The following DNAH6 variants were observed in gnomAD, a reference collection of about 807,000 sequenced individuals.
DNAH6 encodes the protein axonemal beta dynein heavy chain 6.
DNAH6 carries 340 observed loss-of-function variants against 491.4 expected under a neutral mutation model. That is an observed-to-expected ratio of 0.69 (90% CI 0.63 to 0.76). The LOEUF (loss-of-function observed/expected upper bound fraction) is 0.76. Among genes scored for constraint, DNAH6 ranks in the 30% least tolerant of loss-of-function variants. The pLI is 0.00. For synonymous variants in DNAH6, 1,603 were observed against 1,686.1 expected (o/e 0.95, Z 1.21); for missense variants, 4,443 against 4,972.2 (o/e 0.89, Z 3.20).
At chr2:84,687,764 GGACTC>G in intron 44 of DNAH6, among the ~76,000 whole-genome samples, 1 of 151,582 alleles carries the variant, frequency 6.6e-6, no homozygotes, top group Middle Eastern at 3.5e-3. Flanking sequence ...ATTAAAACAA[GGACTC>G]GACTCCCTAC....
intron 68 of DNAH6, among the ~76,000 whole-genome samples, chr2:84,791,452 T>C (rs770129733): frequency 5.3e-5 from 8 of 151,748 alleles, no homozygotes; most frequent in Non-Finnish European, 1.2e-4. Context: ...TACAATTCTA[T>C]GTATATGAAA....
intron 33 of DNAH6, among the ~76,000 whole-genome samples, chr2:84,650,102 A>T (rs1456392476): frequency 1.3e-5 from 2 of 151,174 alleles, no homozygotes; most frequent in African/African-American, 4.9e-5. Flanking sequence ...TAGAAGTTGG[A>T]CTATGTTGTA....
At chr2:84,754,573 G>C (rs1226302270) in intron 63 of DNAH6, among the ~76,000 whole-genome samples, 1 of 152,202 alleles carries the variant, frequency 6.6e-6, no homozygotes, top group Non-Finnish European at 1.5e-5. Context: ...TGGCAGCCTT[G>C]CTGAAAATCA....
At chr2:84,579,322 G>A (rs115718184) in intron 13 of DNAH6, among the ~76,000 whole-genome samples, 3 of 152,282 alleles carry the variant, frequency 2.0e-5, no homozygotes, top group Non-Finnish European at 4.4e-5. Flanking sequence ...AAAATTTTTG[G>A]TAAGCTGTGG....
chr2:84,807,803 A>G (rs1489883090), intron 71 of DNAH6, among the ~76,000 whole-genome samples: 1 of 152,072 alleles, frequency 6.6e-6, no homozygotes, highest in Non-Finnish European at 1.5e-5. Context: ...AGACCTTTCA[A>G]ACCCCTCATC....
chr2:84,495,134 G>A, the DNAH6 span, among the ~76,000 whole-genome samples: 2 of 152,160 alleles, frequency 1.3e-5, no homozygotes, highest in African/African-American at 4.8e-5. Flanking sequence ...TTCTCTAAGT[G>A]ATCTTAATAT....
intron 61 of DNAH6, 25 bp from the exon 62 acceptor site, chr2:84,733,419 T>C: frequency 6.5e-7 from 1 of 1,543,472 alleles, no homozygotes; most frequent in South Asian, 1.2e-5. Flanking sequence ...TTGTGAATTA[T>C]TATTCATTTT....
At chr2:84,700,049 T>A (rs1013990572) in intron 48 of DNAH6, among the ~76,000 whole-genome samples, 1 of 152,128 alleles carries the variant, frequency 6.6e-6, no homozygotes, top group Non-Finnish European at 1.5e-5. Context: ...GGCAACACTT[T>A]TGAGTTTTGC....
chr2:84,630,359 A>C (rs935245739), intron 29 of DNAH6, among the ~76,000 whole-genome samples: 1 of 152,210 alleles, frequency 6.6e-6, no homozygotes, highest in Admixed American at 6.5e-5. Context: ...TCCTGTTATG[A>C]TATACAAGCT....
At chr2:84,792,817 A>G (rs1455919688) in intron 68 of DNAH6, among the ~76,000 whole-genome samples, 3 of 152,230 alleles carry the variant, frequency 2.0e-5, no homozygotes, top group Non-Finnish European at 4.4e-5. Flanking sequence ...AAGCAAAATG[A>G]GGGATTGAAC....
At chr2:84,814,941 G>A (rs1304763973) in intron 75 of DNAH6, among the ~76,000 whole-genome samples, 1 of 152,190 alleles carries the variant, frequency 6.6e-6, no homozygotes, top group African/African-American at 2.4e-5. Context: ...CACATATACT[G>A]GTCTAAACAC....
chr2:84,514,470 A>C (rs1675455596), upstream of DNAH6, among the ~76,000 whole-genome samples: 1 of 152,198 alleles, frequency 6.6e-6, no homozygotes, highest in African/African-American at 2.4e-5. Flanking sequence ...TATAAATCTT[A>C]ACCTAATGCT....
chr2:84,541,278 G>C (rs1486316367), intron 4 of DNAH6, among the ~76,000 whole-genome samples: 1 of 152,158 alleles, frequency 6.6e-6, no homozygotes, highest in East Asian at 1.9e-4. Context: ...TAATGAACTG[G>C]AAAGTCTAAG....
At chr2:84,691,831 G>A (rs1001773766) in intron 45 of DNAH6, among the ~76,000 whole-genome samples, 1 of 151,962 alleles carries the variant, frequency 6.6e-6, no homozygotes, top group African/African-American at 2.4e-5. Flanking sequence ...TATCTCATGG[G>A]TCATTAAAAA....
intron 4 of DNAH6, among the ~76,000 whole-genome samples, chr2:84,538,550 A>G (rs904961473): frequency 3.9e-5 from 6 of 152,122 alleles, no homozygotes; most frequent in Admixed American, 1.3e-4. Flanking sequence ...CATGTCTCCT[A>G]TACCTCAGTG....
chr2:84,660,708 G>A (rs2104601307), intron 37 of DNAH6, among the ~76,000 whole-genome samples: 1 of 152,122 alleles, frequency 6.6e-6, no homozygotes, highest in Admixed American at 6.5e-5. Context: ...TTCCTGATAT[G>A]GGGCACTGTG....
chr2:84,599,561 C>A (rs558903010), intron 18 of DNAH6, among the ~76,000 whole-genome samples: 3 of 152,130 alleles, frequency 2.0e-5, no homozygotes, highest in Admixed American at 2.0e-4. Flanking sequence ...ATTAAAGGAA[C>A]AGCATTATTT....
At position 84,605,565 on chromosome 2, in the gene DNAH6, T is replaced by C. The variant is rs1486899821; in HGVS notation, c.3147T>C (p.Phe1049=). 3 of 1,551,612 alleles carry C rather than the reference T, an allele frequency of 1.9e-6. No homozygotes were observed. Among genetic ancestry groups the C allele is most frequent in the Non-Finnish European group, 2.6e-6 (3 of 1,146,910 alleles). Residue 1049 remains phenylalanine, a synonymous_variant, in exon 20 of 77, where the codon TTT becomes TTC. Coordinates refer to ENST00000389394, the MANE Select transcript of DNAH6 (RefSeq NM_001370.2). ...CTCACCGTGACTCCAAAGATGTGTTTATACTGGGCGGCACAGATGACATAC... is the reference window on the plus strand; with the variant it reads ...CTCACCGTGACTCCAAAGATGTGTTCATACTGGGCGGCACAGATGACATAC... ...ILPHRDSKDV[F]ILGGTDDIQV...
chr2:84,650,106 T>C (rs376844869), intron 33 of DNAH6, among the ~76,000 whole-genome samples: 91 of 152,302 alleles, frequency 6.0e-4, no homozygotes, highest in African/African-American at 2.0e-3. Flanking sequence ...AGTTGGACTA[T>C]GTTGTATCTT....
Sources: gnomAD v4.1 joint callset for allele counts (sites outside exome capture counted in the v4.1 genomes callset) on GRCh38, gnomAD v4.1.1 for gene constraint, MANE v1.5 for transcripts, NCBI Gene and HGNC (gene_info 2026-07-23, HGNC 2026-07-21) for gene names.